The following ARSB variants were observed in gnomAD, a reference collection of about 807,000 sequenced individuals.
ARSB encodes the protein N-acetylgalactosamine-4-sulfatase.
A neutral mutation model predicts 50.9 loss-of-function variants in ARSB; 41 were observed. The ratio of observed to expected loss-of-function variants is 0.81; its 90% CI spans 0.63 to 1.04. The LOEUF (loss-of-function observed/expected upper bound fraction) is 1.04, where lower values mean the gene tolerates loss of function less well. Among genes scored for constraint, ARSB ranks in the 50% least tolerant of loss-of-function variants. The pLI is 0.00. For synonymous variants in ARSB, 269 were observed against 284.8 expected, an observed-to-expected ratio of 0.94 and a Z score of 0.56; for missense variants, 672 against 693.3, an observed-to-expected ratio of 0.97 and a Z score of 0.35.
At chr5:78,973,765 T>C (rs945411516) in intron 1 of ARSB, among the ~76,000 whole-genome samples, 4 of 152,200 alleles carry the variant, frequency 2.6e-5, no homozygotes, top group Admixed American at 6.5e-5. Context: ...CAGAAGGCGA[T>C]AGATGCTCTT....
intron 4 of ARSB, 104 bp from the exon 5 acceptor site, chr5:78,885,931 A>G: frequency 1.3e-6 from 2 of 1,563,746 alleles, no homozygotes; most frequent in South Asian, 2.3e-5. Flanking sequence ...TTAAATAATA[A>G]AAAAAAAGAA....
At chr5:78,959,832 A>G (rs1479718991) in intron 3 of ARSB, among the ~76,000 whole-genome samples, 3 of 152,246 alleles carry the variant, frequency 2.0e-5, no homozygotes, top group Admixed American at 1.3e-4. Context: ...ACTATATGGT[A>G]GCCTAGTGGA....
chr5:78,826,504 T>C (rs879746229), intron 6 of ARSB, among the ~76,000 whole-genome samples: 7 of 152,162 alleles, frequency 4.6e-5, no homozygotes, highest in Non-Finnish European at 2.9e-5. Context: ...TAAATAAATA[T>C]TTAAAAAATA....
At chr5:78,844,842 C>A (rs1418444676) in intron 5 of ARSB, among the ~76,000 whole-genome samples, 1 of 152,014 alleles carries the variant, frequency 6.6e-6, no homozygotes, top group Non-Finnish European at 1.5e-5. Context: ...GTGTAATTAG[C>A]ATAACCATCA....
chr5:78,780,271 G>T lies in ARSB; in HGVS notation c.*126C>A. 1 of 1,288,282 alleles carries T rather than the reference G, an allele frequency of 7.8e-7. No homozygotes were observed. The highest frequency in any genetic ancestry group is 1.5e-5 in the African/African-American group (1 of 68,150). 79.8% of individuals were successfully genotyped at this position (1,288,282 alleles called of 1,614,324 possible). On this transcript the variant is annotated 3_prime_UTR_variant, in exon 8 of 8. Coordinates refer to ENST00000264914, the MANE Select transcript of ARSB (RefSeq NM_000046.5). Reference sequence around the variant, plus strand: ...ATTAGGGGTTGAAATTAGACACCTCGGTGTGGTTTAAGAGCAAGAGAAGGG... The same window carrying T: ...ATTAGGGGTTGAAATTAGACACCTCTGTGTGGTTTAAGAGCAAGAGAAGGG...
At chr5:78,829,617 T>C (rs1214341756) in intron 6 of ARSB, among the ~76,000 whole-genome samples, 1 of 152,220 alleles carries the variant, frequency 6.6e-6, no homozygotes, top group African/African-American at 2.4e-5. Flanking sequence ...TATAAATGCC[T>C]GATTACTAAC....
intron 3 of ARSB, among the ~76,000 whole-genome samples, chr5:78,964,192 G>A (rs930490406): frequency 9.2e-5 from 14 of 152,192 alleles, no homozygotes; most frequent in Admixed American, 4.6e-4. Flanking sequence ...GCTGATGTAC[G>A]GATTTCTCCC....
chr5:78,924,434 C>T (rs1242115404), intron 4 of ARSB, among the ~76,000 whole-genome samples: 4 of 152,142 alleles, frequency 2.6e-5, no homozygotes, highest in Non-Finnish European at 4.4e-5. Context: ...TCTACTTGGC[C>T]GTGATAAGTC....
intron 1 of ARSB, among the ~76,000 whole-genome samples, chr5:78,975,616 C>A (rs2112550975): frequency 6.6e-6 from 1 of 152,312 alleles, no homozygotes. Flanking sequence ...AGTTACTTTT[C>A]TTAACTATTT....
intron 5 of ARSB, among the ~76,000 whole-genome samples, chr5:78,851,691 G>A (rs1473772161): frequency 2.0e-5 from 3 of 152,170 alleles, no homozygotes; most frequent in Non-Finnish European, 2.9e-5. Context: ...TTGTGTGGGA[G>A]TCTAAGTCTC....
intron 3 of ARSB, among the ~76,000 whole-genome samples, chr5:78,961,093 C>A (rs16876146): frequency 0.27 from 40,342 of 152,052 alleles, 6,657 homozygotes; most frequent in African/African-American, 0.47. Context: ...AAAATAGGCA[C>A]AATTTTAAGT....
chr5:78,919,870 G>C (rs1356398534), intron 4 of ARSB, among the ~76,000 whole-genome samples: 1 of 152,168 alleles, frequency 6.6e-6, no homozygotes, highest in Non-Finnish European at 1.5e-5. Context: ...CAGAGATTTT[G>C]AGTGATACAT....
chr5:78,928,659 T>G (rs779892921), intron 4 of ARSB, among the ~76,000 whole-genome samples: 2 of 152,128 alleles, frequency 1.3e-5, no homozygotes, highest in Non-Finnish European at 2.9e-5. Context: ...TTGATCTCCT[T>G]TAAAGAATTT....
intron 4 of ARSB, among the ~76,000 whole-genome samples, chr5:78,925,713 C>T (rs78629490): frequency 0.025 from 3,778 of 152,222 alleles, 165 homozygotes; most frequent in African/African-American, 0.085. Context: ...ATGATTGCAG[C>T]ACCTGAAATG....
At chr5:78,901,614 C>T (rs1748809235) in intron 4 of ARSB, among the ~76,000 whole-genome samples, 1 of 151,770 alleles carries the variant, frequency 6.6e-6, no homozygotes, top group East Asian at 1.9e-4. Flanking sequence ...CAAACAAAAC[C>T]TTGACAAACC....
intron 6 of ARSB, among the ~76,000 whole-genome samples, chr5:78,800,174 TG>T (rs1181523032): frequency 6.6e-6 from 1 of 151,924 alleles, no homozygotes; most frequent in Non-Finnish European, 1.5e-5. Flanking sequence ...AAAAATTAGC[TG>T]GGCGTGGTGG....
chr5:78,930,267 T>C (rs1391521148), intron 4 of ARSB, among the ~76,000 whole-genome samples: 3 of 152,210 alleles, frequency 2.0e-5, no homozygotes, highest in Admixed American at 6.5e-5. Flanking sequence ...TTTGCATGTA[T>C]CTGAATAGTT....
At chr5:78,911,696 G>T (rs894748923) in intron 4 of ARSB, among the ~76,000 whole-genome samples, 1 of 150,840 alleles carries the variant, frequency 6.6e-6, no homozygotes, top group Non-Finnish European at 1.5e-5. Flanking sequence ...TGCCTACAAG[G>T]TGTTCTACTC....
chr5:78,872,081 G>A (rs1291441294), intron 5 of ARSB, among the ~76,000 whole-genome samples: 1 of 149,416 alleles, frequency 6.7e-6, no homozygotes, highest in East Asian at 1.9e-4. Context: ...ACCATCACTG[G>A]CCATCAGAGA....
Sources: allele counts gnomAD v4.1 joint callset (sites outside exome capture counted in the v4.1 genomes callset), GRCh38; gene constraint gnomAD v4.1.1; transcripts MANE v1.5; gene names NCBI Gene and HGNC (gene_info 2026-07-23, HGNC 2026-07-21).